Variants in CNTN5 observed in about 807,000 individuals in gnomAD.
CNTN5 encodes the protein contactin-5.
Under a neutral mutation model 129.1 loss-of-function variants are expected in CNTN5, and 77 were observed. The observed-to-expected ratio is 0.60, with a 90% confidence interval of 0.50 to 0.72. CNTN5 has a LOEUF of 0.72. CNTN5 is among the 30% of genes least tolerant of loss of function. CNTN5 has a pLI of 0.00. For missense variants in CNTN5, 1,478 were observed against 1,328.8 expected, an observed-to-expected ratio of 1.11 and a Z score of -1.75; for synonymous variants, 509 against 465.6, an observed-to-expected ratio of 1.09 and a Z score of -1.20.
intron 1 of CNTN5, among the ~76,000 whole-genome samples, chr11:99,025,296 A>C (rs933223068): frequency 6.6e-6 from 1 of 151,946 alleles, no homozygotes; most frequent in Non-Finnish European, 1.5e-5. Flanking sequence ...AAAGTGACTA[A>C]ACTGAACAGA....
At chr11:99,563,999 G>A (rs17133813) in intron 3 of CNTN5, among the ~76,000 whole-genome samples, 13,145 of 152,108 alleles carry the variant, frequency 0.086, 860 homozygotes, top group African/African-American at 0.18. Flanking sequence ...TAAGAAAAAC[G>A]TGGGCTCATT....
chr11:99,039,489 T>C (rs1345219263), intron 1 of CNTN5, among the ~76,000 whole-genome samples: 1 of 152,152 alleles, frequency 6.6e-6, no homozygotes, highest in East Asian at 1.9e-4. Flanking sequence ...TGTATTCACT[T>C]TGCCTCAATA....
chr11:99,037,696 C>T (rs907276210), intron 1 of CNTN5, among the ~76,000 whole-genome samples: 3 of 150,620 alleles, frequency 2.0e-5, no homozygotes, highest in Admixed American at 6.7e-5. Flanking sequence ...TTCTCTGCCT[C>T]AGCGTCCCAA....
intron 9 of CNTN5, among the ~76,000 whole-genome samples, chr11:100,003,013 A>G (rs2094352321): frequency 6.6e-6 from 1 of 152,138 alleles, no homozygotes; most frequent in African/African-American, 2.4e-5. Context: ...CACAAGTGTG[A>G]TTATTAAAGT....
intron 9 of CNTN5, among the ~76,000 whole-genome samples, chr11:100,022,987 G>C (rs1208673182): frequency 6.6e-6 from 1 of 151,764 alleles, no homozygotes; most frequent in Non-Finnish European, 1.5e-5. Context: ...TTTTATTATA[G>C]TGTACCTAAT....
chr11:99,788,615 C>A (rs893526766), intron 3 of CNTN5, among the ~76,000 whole-genome samples: 1 of 151,854 alleles, frequency 6.6e-6, no homozygotes, highest in Non-Finnish European at 1.5e-5. Flanking sequence ...GTTGATGCAA[C>A]TTTTTACATT....
intron 1 of CNTN5, among the ~76,000 whole-genome samples, chr11:99,215,183 A>T (rs1023626999): frequency 4.6e-5 from 7 of 152,124 alleles, no homozygotes; most frequent in Admixed American, 6.6e-5. Context: ...CTCAGTGTAA[A>T]ACATCTCACA....
chr11:99,777,593 G>C (rs1330224033), intron 3 of CNTN5, among the ~76,000 whole-genome samples: 1 of 151,646 alleles, frequency 6.6e-6, no homozygotes, highest in African/African-American at 2.4e-5. Flanking sequence ...TAATTCTCAA[G>C]ATAAAAAAAA....
At chr11:100,195,496 A>G (rs1018402994) in intron 15 of CNTN5, among the ~76,000 whole-genome samples, 1 of 151,948 alleles carries the variant, frequency 6.6e-6, no homozygotes, top group Non-Finnish European at 1.5e-5. Context: ...TCCTTGCCCC[A>G]GAGAGTGCCA....
chr11:99,665,882 TCTC>T (rs1414405951), intron 3 of CNTN5, among the ~76,000 whole-genome samples: 5 of 152,158 alleles, frequency 3.3e-5, no homozygotes, highest in Non-Finnish European at 7.4e-5. Flanking sequence ...TTCTAATCAT[TCTC>T]CTATATGGTG....
chr11:99,028,161 A>C (rs1000125887), intron 1 of CNTN5, among the ~76,000 whole-genome samples: 1 of 151,820 alleles, frequency 6.6e-6, no homozygotes, highest in Non-Finnish European at 1.5e-5. Flanking sequence ...GTGATCCAGA[A>C]TTGATTTTAT....
intron 3 of CNTN5, among the ~76,000 whole-genome samples, chr11:99,641,581 G>A (rs890021451): frequency 1.4e-4 from 21 of 152,106 alleles, no homozygotes; most frequent in African/African-American, 4.6e-4. Flanking sequence ...GTAGTGAACC[G>A]GAAATTCCTA....
intron 9 of CNTN5, among the ~76,000 whole-genome samples, chr11:100,043,543 A>T (rs570060708): frequency 6.6e-6 from 1 of 152,194 alleles, no homozygotes; most frequent in Admixed American, 6.5e-5. Flanking sequence ...CACTTTCCAT[A>T]AACTTGCAGT....
chr11:100,044,898 TAGTG>T (rs1367652598), intron 9 of CNTN5, among the ~76,000 whole-genome samples: 1 of 152,138 alleles, frequency 6.6e-6, no homozygotes, highest in Non-Finnish European at 1.5e-5. Flanking sequence ...TTAATAAACA[TAGTG>T]AGACTGCTCA....
At chr11:99,048,726 G>A (rs911252677) in intron 1 of CNTN5, among the ~76,000 whole-genome samples, 2 of 152,136 alleles carry the variant, frequency 1.3e-5, no homozygotes, top group African/African-American at 2.4e-5. Context: ...GGTACACCAC[G>A]AAATTCTGTA....
intron 6 of CNTN5, among the ~76,000 whole-genome samples, chr11:99,890,056 G>T (rs1949017183): frequency 6.6e-6 from 1 of 152,002 alleles, no homozygotes; most frequent in South Asian, 2.1e-4. Flanking sequence ...ATTTGTCATG[G>T]ACCAAATAAA....
intron 3 of CNTN5, among the ~76,000 whole-genome samples, chr11:99,768,063 C>A (rs759189920): frequency 6.6e-6 from 1 of 151,992 alleles, no homozygotes; most frequent in Non-Finnish European, 1.5e-5. Context: ...TTTTGCACTG[C>A]AAGACTGAGT....
At chr11:99,154,062 C>A (rs1393894468) in intron 1 of CNTN5, among the ~76,000 whole-genome samples, 5 of 152,078 alleles carry the variant, frequency 3.3e-5, no homozygotes, top group African/African-American at 1.2e-4. Context: ...CGAAAACACT[C>A]CGATGGATTG....
intron 8 of CNTN5, among the ~76,000 whole-genome samples, chr11:99,996,802 G>A (rs11222265): frequency 0.07 from 10,682 of 152,134 alleles, 777 homozygotes; most frequent in East Asian, 0.31. Flanking sequence ...GCAGGAGAGA[G>A]AGAGGGAGCA....
Sources: allele counts gnomAD v4.1 joint callset (sites outside exome capture counted in the v4.1 genomes callset), GRCh38; gene constraint gnomAD v4.1.1; transcripts MANE v1.5; gene names NCBI Gene and HGNC (gene_info 2026-07-23, HGNC 2026-07-21).